The following RYR3 variants were observed in gnomAD, a reference collection of about 807,000 sequenced individuals.
RYR3 encodes the protein brain ryanodine receptor-calcium release channel.
Under a neutral mutation model 584.3 loss-of-function variants are expected in RYR3, and 207 were observed. The observed-to-expected ratio is 0.35, with a 90% CI of 0.32 to 0.40. RYR3 has a LOEUF of 0.40. Ranked by LOEUF, RYR3 falls within the 10% of genes least tolerant of loss-of-function variation. The probability of loss-of-function intolerance (pLI) is 1.00; values close to 1 mark genes in which losing one functional copy is unlikely to be tolerated. For missense variants in RYR3, 5,616 were observed against 6,089.2 expected (o/e 0.92, Z 2.59); for synonymous variants, 2,416 against 2,248.5 (o/e 1.07, Z -2.11).
At chr15:33,601,343 C>T in intron 16 of RYR3, 76 bp from the exon 17 acceptor site, 21 of 1,461,708 alleles carry the variant, frequency 1.4e-5, no homozygotes, top group Non-Finnish European at 2.0e-5. Flanking sequence ...GGACTCCTTC[C>T]CTCATGCATT....
intron 48 of RYR3, among the ~76,000 whole-genome samples, 191 bp downstream of exon 48, chr15:33,731,885 T>A (rs1274180152): frequency 6.6e-6 from 1 of 152,204 alleles, no homozygotes; most frequent in East Asian, 1.9e-4. Context: ...TTGAGGCTCA[T>A]CTTTCCCTTT....
At chr15:33,850,284 G>A (rs541901581) in intron 94 of RYR3, 1 of 152,378 alleles carries the variant, frequency 6.6e-6, no homozygotes, top group South Asian at 2.1e-4. Context: ...GGGAGTCTGA[G>A]GCAAGGAGAA....
chr15:33,686,859 A>G (rs1178142184), intron 38 of RYR3, among the ~76,000 whole-genome samples: 1 of 152,234 alleles, frequency 6.6e-6, no homozygotes, highest in East Asian at 1.9e-4. Flanking sequence ...AGCCTTCGAC[A>G]AAATTCAACA....
intron 1 of RYR3, among the ~76,000 whole-genome samples, chr15:33,342,931 G>A (rs1301743239): frequency 6.6e-6 from 1 of 152,166 alleles, no homozygotes; most frequent in Non-Finnish European, 1.5e-5. Flanking sequence ...GATACCATGG[G>A]GGTCTACAGG....
chr15:33,648,001 A>G (rs2062203726), intron 30 of RYR3, among the ~76,000 whole-genome samples: 1 of 151,696 alleles, frequency 6.6e-6, no homozygotes, highest in Non-Finnish European at 1.5e-5. Context: ...AAAAAAAAAA[A>G]AAAAAAAAGC....
intron 60 of RYR3, among the ~76,000 whole-genome samples, chr15:33,766,295 AAAAAAAG>A (rs1178890872): frequency 0.022 from 3,367 of 151,344 alleles, 115 homozygotes; most frequent in African/African-American, 0.076. Context: ...AAAGAAAAAA[AAAAAAAG>A]AAAAAAAGAA....
At chr15:33,826,085 G>T (rs2077364648) in intron 82 of RYR3, among the ~76,000 whole-genome samples, 167 bp from the exon 83 acceptor site, 2 of 152,120 alleles carry the variant, frequency 1.3e-5, no homozygotes, top group Non-Finnish European at 2.9e-5. Context: ...TCTTTGCTTA[G>T]TATGCAAGGA....
chr15:33,749,595 G>T (rs182396218), intron 55 of RYR3, among the ~76,000 whole-genome samples: 1 of 152,194 alleles, frequency 6.6e-6, no homozygotes, highest in East Asian at 1.9e-4. Context: ...ATAGGCTTTC[G>T]GGGGTTCTAG....
chr15:33,735,525 T>G (rs1236679619), intron 48 of RYR3, among the ~76,000 whole-genome samples: 3 of 152,188 alleles, frequency 2.0e-5, no homozygotes, highest in Non-Finnish European at 2.9e-5. Flanking sequence ...CAAATTGTGT[T>G]TATGTGTGTA....
intron 94 of RYR3, chr15:33,852,774 T>G (rs756688145): frequency 1.9e-5 from 7 of 368,160 alleles, no homozygotes; most frequent in Non-Finnish European, 3.0e-5. Flanking sequence ...TAATCTGTCA[T>G]CACAATTCTT....
intron 96 of RYR3, 116 bp downstream of exon 96, chr15:33,853,798 G>A: frequency 1.5e-6 from 2 of 1,365,292 alleles, no homozygotes; most frequent in Non-Finnish European, 9.8e-7. Flanking sequence ...TCTGGCTTAG[G>A]TGTTTCTTCT....
chr15:33,663,449 AGTCTCAGTGCTACT>A, intron 35 of RYR3, 74 bp from the exon 36 acceptor site: 1 of 1,124,564 alleles, frequency 8.9e-7, no homozygotes, highest in South Asian at 1.4e-5. Flanking sequence ...ACTTTGTCTA[AGTCTCAGTGCTACT>A]GTCTGTAAAA....
chr15:33,488,257 T>C (rs1567350161), intron 2 of RYR3, among the ~76,000 whole-genome samples: 1 of 152,168 alleles, frequency 6.6e-6, no homozygotes, highest in Non-Finnish European at 1.5e-5. Context: ...CTGCTGTTCA[T>C]TTGTCATTTA....
chr15:33,388,565 G>A (rs1464667552), intron 1 of RYR3, among the ~76,000 whole-genome samples: 1 of 152,092 alleles, frequency 6.6e-6, no homozygotes, highest in Non-Finnish European at 1.5e-5. Flanking sequence ...AACATTGCAA[G>A]AATGAAGACA....
intron 98 of RYR3, among the ~76,000 whole-genome samples, chr15:33,855,522 T>C (rs2079559715): frequency 6.6e-6 from 1 of 152,156 alleles, no homozygotes; most frequent in African/African-American, 2.4e-5. Flanking sequence ...TTTTAAGGTC[T>C]ACCCCTTCCT....
chr15:33,541,451 G>C (rs1004117099), intron 7 of RYR3, among the ~76,000 whole-genome samples: 1 of 152,050 alleles, frequency 6.6e-6, no homozygotes, highest in Non-Finnish European at 1.5e-5. Context: ...TTATTTCATA[G>C]AATCAGGTAA....
chr15:33,841,460 A>G (rs1030563704), intron 90 of RYR3, among the ~76,000 whole-genome samples: 1 of 152,186 alleles, frequency 6.6e-6, no homozygotes, highest in African/African-American at 2.4e-5. Context: ...TCATATATTG[A>G]TGACAGTGAT....
chr15:33,583,295 A>G (rs1567593866), intron 14 of RYR3, among the ~76,000 whole-genome samples: 1 of 152,234 alleles, frequency 6.6e-6, no homozygotes, highest in Non-Finnish European at 1.5e-5. Context: ...TTCATCCATT[A>G]GTGTATAGCC....
chr15:33,498,532 G>A (rs1234243619), intron 2 of RYR3, among the ~76,000 whole-genome samples: 2 of 151,976 alleles, frequency 1.3e-5, no homozygotes, highest in South Asian at 2.1e-4. Context: ...TTTTTTGGCG[G>A]GGTGGGGAGG....
Sources: allele counts gnomAD v4.1 joint callset (sites outside exome capture counted in the v4.1 genomes callset), GRCh38; gene constraint gnomAD v4.1.1; transcripts MANE v1.5; gene names NCBI Gene and HGNC (gene_info 2026-07-23, HGNC 2026-07-21).